The following SEMA4D variants were observed in gnomAD, a reference collection of about 807,000 sequenced individuals.
The protein encoded by SEMA4D is semaphorin-4D.
SEMA4D carries 22 observed loss-of-function variants against 74.8 expected under a neutral mutation model. The observed-to-expected ratio is 0.29, with a 90% CI of 0.21 to 0.42. The LOEUF (loss-of-function observed/expected upper bound fraction) is 0.42. Among genes scored for constraint, SEMA4D ranks in the 10% least tolerant of loss-of-function variants. The pLI is 1.00. For missense variants in SEMA4D, 937 were observed against 1,118.4 expected, an observed-to-expected ratio of 0.84 and a Z score of 2.31; for synonymous variants, 445 against 463.7, an observed-to-expected ratio of 0.96 and a Z score of 0.52.
chr9:89,424,595 T>C (rs17054886), intron 2 of SEMA4D, among the ~76,000 whole-genome samples: 5,232 of 152,188 alleles, frequency 0.034, 130 homozygotes, highest in Middle Eastern at 0.099. Context: ...CTCCTTTCTC[T>C]GACCAGGACC....
rs1404013221 is a variant in SEMA4D at position 89,466,636 on chromosome 9, A to T, written c.-309-10683T>A. On this transcript the variant is annotated intron_variant, in intron 1 of 15. Coordinates refer to ENST00000422704, the MANE Select transcript of SEMA4D (RefSeq NM_001371194.2). ...AAGCATCACTCACCTGCATGTGCAC[A>T]CTCTCAAGGCACAGCCAACTCCACT... Among the ~76,000 whole-genome samples the T allele has an allele frequency of 2.7e-5, 4 of 150,906 alleles. No homozygotes were observed. The South Asian group carries it at 8.4e-4, about 32-fold the overall frequency.
intron 13 of SEMA4D, chr9:89,385,475 T>A: frequency 1.0e-6 from 1 of 985,360 alleles, no homozygotes; most frequent in Non-Finnish European, 1.2e-6. Flanking sequence ...TCTCCAGGGC[T>A]CCCTTTGTGT....
chr9:89,374,435 G>C (rs1004661899), downstream of SEMA4D, among the ~76,000 whole-genome samples: 25 of 152,356 alleles, frequency 1.6e-4, no homozygotes, highest in African/African-American at 6.0e-4. Context: ...TGAAGGCAGT[G>C]TGGCGGGCAG....
intron 1 of SEMA4D, among the ~76,000 whole-genome samples, chr9:89,478,141 G>A (rs773698057): frequency 4.6e-5 from 7 of 152,292 alleles, no homozygotes; most frequent in Middle Eastern, 6.8e-3. Context: ...AGCTCAGCCC[G>A]CGCAGTATTT....
At chr9:89,416,550 T>C (rs928425428) in intron 2 of SEMA4D, among the ~76,000 whole-genome samples, 1 of 151,964 alleles carries the variant, frequency 6.6e-6, no homozygotes, top group Non-Finnish European at 1.5e-5. Flanking sequence ...CACAGGGACA[T>C]GCACAAACAC....
chr9:89,474,833 C>T (rs1254467612), intron 1 of SEMA4D, among the ~76,000 whole-genome samples: 1 of 152,214 alleles, frequency 6.6e-6, no homozygotes, highest in African/African-American at 2.4e-5. Flanking sequence ...GGTTCAAGAC[C>T]GGAGACTCTG....
intron 1 of SEMA4D, among the ~76,000 whole-genome samples, chr9:89,470,565 A>G (rs898278146): frequency 1.3e-5 from 2 of 152,240 alleles, no homozygotes; most frequent in African/African-American, 2.4e-5. Context: ...GCAGTTTCTT[A>G]TAAGAATAAA....
intron 9 of SEMA4D, among the ~76,000 whole-genome samples, chr9:89,390,181 G>A (rs1406391332): frequency 6.6e-6 from 1 of 152,212 alleles, no homozygotes; most frequent in Non-Finnish European, 1.5e-5. Flanking sequence ...CGATGGCAGG[G>A]GAGGGCTCGA....
rs1035228985 is a variant in SEMA4D, at chr9:89,378,305, C to A, written c.*399G>T. The A allele has an allele frequency of 1.2e-5, 2 of 172,614 alleles. No individual in the cohort carries two copies. Among genetic ancestry groups the A allele is most frequent in the African/African-American group, 4.8e-5 (2 of 42,004 alleles). The allele number at this position is 172,614 out of a possible 1,614,324, so 10.7% of individuals were successfully genotyped here. A position where few individuals can be genotyped will look rare whatever the true frequency, so the allele number is the denominator to read the frequency against. On this transcript the variant is annotated 3_prime_UTR_variant, in exon 16 of 16. Transcript: ENST00000422704. The stretch of plus-strand genomic sequence containing the variant: ...TTACCAATCTGATAAACTAAAATGT[C>A]ATTTCCAATCTGGAATTAAATAATC...
Position 89,378,464 on chromosome 9 carries a change from G to A in SEMA4D, c.*240C>T, listed in dbSNP as rs1212632586. The A allele has an allele frequency of 1.8e-5, 9 of 498,886 alleles. No individual in the cohort carries two copies. The highest frequency in any genetic ancestry group is 3.4e-5 in the East Asian group (1 of 29,230). The allele number at this position is 498,886 out of a possible 1,614,324, so 30.9% of individuals were successfully genotyped here. ...CCCGTGGGCCTTCTTCAAGTACTCC[G>A]ACTGACTTCGGAACACAAGACTGGG... On this transcript the variant is annotated 3_prime_UTR_variant, in exon 16 of 16. Transcript: ENST00000422704.
At chr9:89,393,026 C>A (rs929654647) in intron 7 of SEMA4D, among the ~76,000 whole-genome samples, 6 of 152,186 alleles carry the variant, frequency 3.9e-5, no homozygotes, top group Non-Finnish European at 5.9e-5. Flanking sequence ...CCAGGCTGGT[C>A]TCAAACTCCT....
chr9:89,462,979 CGAGGGAGAAA>C (rs1309189948), intron 1 of SEMA4D, among the ~76,000 whole-genome samples: 85 of 142,426 alleles, frequency 6.0e-4, no homozygotes, highest in Non-Finnish European at 8.9e-4. Flanking sequence ...GGGAGGGGAG[CGAGGGAGAAA>C]GAGAGGCATG....
intron 1 of SEMA4D, among the ~76,000 whole-genome samples, chr9:89,486,031 T>C (rs1248344545): frequency 6.6e-6 from 1 of 152,166 alleles, no homozygotes; most frequent in Non-Finnish European, 1.5e-5. Flanking sequence ...ATGAGACGGA[T>C]AGAGTTTGGC....
chr9:89,443,775 C>A (rs1164784600), intron 2 of SEMA4D, among the ~76,000 whole-genome samples: 1 of 152,226 alleles, frequency 6.6e-6, no homozygotes, highest in Non-Finnish European at 1.5e-5. Context: ...TAACTGCAGG[C>A]CCTGACCTCC....
chr9:89,479,120 A>G (rs1054013964), intron 1 of SEMA4D, among the ~76,000 whole-genome samples: 8 of 152,174 alleles, frequency 5.3e-5, no homozygotes, highest in African/African-American at 1.4e-4. Flanking sequence ...GTTTCCTCAC[A>G]GCATGGCTGC....
intron 2 of SEMA4D, among the ~76,000 whole-genome samples, chr9:89,448,169 TCTCA>T (rs1853436989): frequency 6.6e-6 from 1 of 152,118 alleles, no homozygotes; most frequent in Admixed American, 6.5e-5. Flanking sequence ...GAGATGAGGG[TCTCA>T]CTATGTTGCC....
chr9:89,389,144 G>A (rs369088151), intron 9 of SEMA4D, 97 bp from the exon 10 acceptor site: 65 of 1,304,646 alleles, frequency 5.0e-5, no homozygotes, highest in South Asian at 3.6e-4. Context: ...CCAGCACAGC[G>A]CGGCTGTGCC....
chr9:89,363,392 T>A, intron 18 of SEMA4D: 1 of 1,603,886 alleles, frequency 6.2e-7, no homozygotes, highest in Non-Finnish European at 8.5e-7. Context: ...TGCCCCTGGC[T>A]CCAGCCCTCC....
rs1256027493 is a variant in SEMA4D, at chr9:89,379,358, T to A, written c.1935A>T (p.Glu645Asp). The A allele has an allele frequency of 6.2e-7, 1 of 1,614,210 alleles. No individual in the cohort carries two copies. Among genetic ancestry groups the A allele is most frequent in the Non-Finnish European group, 8.5e-7 (1 of 1,180,028 alleles). Reference protein sequence around the residue: ...VFQVVAKHVLEVKVVPKPVVA... With the variant: ...VFQVVAKHVLDVKVVPKPVVA... ...CTACGGGCTTTGGAACCACCTTCAC[T>A]TCCAGGACGTGCTTGGCGACCACTT... Residue 645 changes from glutamate (E) to aspartate (D), a missense_variant, in exon 16 of 16, where the codon GAA becomes GAT. Glu to Asp is a conservative substitution (Grantham distance 45). Coordinates refer to ENST00000422704, the MANE Select transcript of SEMA4D (RefSeq NM_001371194.2).
Sources: gnomAD v4.1 joint callset for allele counts (sites outside exome capture counted in the v4.1 genomes callset) on GRCh38, gnomAD v4.1.1 for gene constraint, MANE v1.5 for transcripts, NCBI Gene and HGNC (gene_info 2026-07-23, HGNC 2026-07-21) for gene names.